Variants in MYH14 observed in about 807,000 individuals in gnomAD.
The protein encoded by MYH14 is myosin-14.
Under a neutral mutation model 255.5 loss-of-function variants are expected in MYH14, and 123 were observed. The observed-to-expected ratio is 0.48, with a 90% confidence interval of 0.42 to 0.56. The LOEUF (loss-of-function observed/expected upper bound fraction) is 0.56. Ranked by LOEUF, MYH14 falls within the 20% of genes least tolerant of loss-of-function variation. The pLI, the probability that MYH14 is intolerant of heterozygous loss-of-function variation, is 0.00. For synonymous variants in MYH14, 1,095 were observed against 1,161.2 expected, an observed-to-expected ratio of 0.94 and a Z score of 1.16; for missense variants, 2,423 against 2,802.3, an observed-to-expected ratio of 0.86 and a Z score of 3.06.
chr19:50,227,835 C>G (rs1349470336), intron 8 of MYH14, among the ~76,000 whole-genome samples: 1 of 152,176 alleles, frequency 6.6e-6, no homozygotes, highest in Non-Finnish European at 1.5e-5. Context: ...GGGTACGTGA[C>G]TTGGCCTTTC....
In MYH14 at chr19:50,261,496, C is replaced by A; in HGVS notation, c.2446C>A (p.Pro816Thr). 1 of 1,531,848 alleles carries A rather than the reference C, an allele frequency of 6.5e-7. No homozygotes were observed. Among genetic ancestry groups the A allele is most frequent in the Non-Finnish European group, 8.7e-7 (1 of 1,147,566 alleles). The allele number at this position is 1,531,848 out of a possible 1,614,324, so 94.9% of individuals were successfully genotyped here. ...EKMIQALELD[P>T]NLYRVGQSKI... Reference sequence around the variant, plus strand: ...ACAGATCCAGGCGCTGGAACTGGACCCCAACCTCTACCGCGTGGGACAGAG... The same window carrying A: ...ACAGATCCAGGCGCTGGAACTGGACACCAACCTCTACCGCGTGGGACAGAG... Residue 816 changes from proline (P) to threonine (T), a missense_variant, in exon 21 of 43, where the codon CCC (proline) becomes ACC (threonine). Physicochemically the swap from Pro to Thr is conservative, Grantham distance 38. This residue lies in a region of MYH14 where 1,513 missense variants were observed against 1,674.8 expected (regional missense o/e 0.90). Transcript: ENST00000642316.
intron 1 of MYH14, among the ~76,000 whole-genome samples, chr19:50,207,302 A>AGAGAGAGAGAGAGAGAGAGAGAGG (rs2031852064): frequency 6.7e-6 from 1 of 149,694 alleles, no homozygotes; most frequent in Non-Finnish European, 1.5e-5. Context: ...AGAGAGAGAG[A>AGAGAGAGAGAGAGAGAGAGAGAGG]GAGAGAGAGA....
At chr19:50,208,722 A>G (rs981115559) in intron 1 of MYH14, among the ~76,000 whole-genome samples, 6 of 152,224 alleles carry the variant, frequency 3.9e-5, no homozygotes, top group Non-Finnish European at 8.8e-5. Context: ...ATTTTATTTA[A>G]CCCAGTAGAT....
chr19:50,221,208 A>T lies in MYH14; in HGVS notation c.563-1875A>T, dbSNP rs766275243. 1.3e-5 allele frequency among the ~76,000 whole-genome samples: 2 copies of T among 151,968 alleles called. No homozygotes were observed. The highest frequency in any genetic ancestry group is 2.9e-5 in the Non-Finnish European group (2 of 68,000). Reference sequence around the variant, plus strand: ...TGCATTTTGAGCATTCTGAGTTCTGACTACAGCCCTGGGAGATGGCAGCTG... The same window carrying T: ...TGCATTTTGAGCATTCTGAGTTCTGTCTACAGCCCTGGGAGATGGCAGCTG... On this transcript the variant is annotated intron_variant, in intron 3 of 42. Transcript: ENST00000642316. This position sits in a 1 kb window ranked among gnomAD's most constrained non-coding sequence, Gnocchi z 5.3.
intron 1 of MYH14, 146 bp downstream of exon 1, chr19:50,203,817 G>A (rs1230568416): frequency 1.3e-5 from 2 of 152,078 alleles, no homozygotes; most frequent in African/African-American, 2.4e-5. Context: ...ACTCACCTTG[G>A]GCGCGCAGCG....
chr19:50,272,539 G>A (rs752224415), intron 26 of MYH14, 21 bp from the exon 27 acceptor site: 37 of 1,556,242 alleles, frequency 2.4e-5, no homozygotes, highest in South Asian at 2.0e-4. Context: ...CCTCATGCAC[G>A]GCCCCCACCC....
At position 50,272,738 on chromosome 19, in the gene MYH14, G is replaced by A. The variant is rs2035355989; in HGVS notation, c.3467+7G>A. ...TGCAGGCTGCCCTGGCCAGGTGCAG[G>A]GTGGGGTGGGCTTGGTGGGGTAAGC... On this transcript the variant is annotated splice_region_variant and intron_variant, in intron 27 of 42. Coordinates refer to ENST00000642316, the MANE Select transcript of MYH14 (RefSeq NM_001145809.2). The A allele has an allele frequency of 2.6e-6, 4 of 1,549,496 alleles. No homozygotes were observed. Among genetic ancestry groups the A allele is most frequent in the Non-Finnish European group, 3.5e-6 (4 of 1,146,962 alleles).
intron 1 of MYH14, chr19:50,205,621 C>G (rs929265337): frequency 1.3e-5 from 2 of 152,344 alleles, no homozygotes; most frequent in African/African-American, 2.4e-5. Flanking sequence ...GGAATGGGTA[C>G]GGGGCTCTCA....
chr19:50,289,874 GTC>G (rs2036014239), intron 35 of MYH14, among the ~76,000 whole-genome samples: 2 of 151,870 alleles, frequency 1.3e-5, no homozygotes, highest in African/African-American at 4.8e-5. Context: ...ATTTCTGCCA[GTC>G]TCTCGTGCCA....
At chr19:50,217,888 G>A (rs540156245) in intron 3 of MYH14, 117 bp downstream of exon 3, 399 of 1,264,124 alleles carry the variant, frequency 3.2e-4, no homozygotes, top group Admixed American at 4.5e-4. Flanking sequence ...GACTCTGTAG[G>A]GCTTCTTAGG....
chr19:50,257,191 T>A (rs1425132461), intron 17 of MYH14, 108 bp from the exon 18 acceptor site: 2 of 852,644 alleles, frequency 2.3e-6, no homozygotes, highest in Non-Finnish European at 3.5e-6. Context: ...AGGTCCTTCA[T>A]ATGTAAAGTG....
rs577038007 is a variant in MYH14 at position 50,278,254 on chromosome 19, C to T, written c.3997C>T (p.Arg1333Ter). The change falls in exon 30 of 43, where the codon CGA (arginine) becomes TGA (stop). Residue 1333 changes from arginine (R) to a stop codon, truncating the protein, a stop_gained. Transcript: ENST00000642316. LOFTEE classifies it high-confidence loss of function. The stretch of plus-strand genomic sequence containing the variant: ...CCGGGCTGGTGATGGGGAGAGGGCA[C>T]GAGCGGAGGCTGCTGAGAAGCTGCA... ...QGRAGDGERA[R>*]AEAAEKLQRA... The T allele has an allele frequency of 2.5e-6, 4 of 1,582,204 alleles. No individual in the cohort carries two copies. Among genetic ancestry groups the T allele is most frequent in the Non-Finnish European group, 3.4e-6 (4 of 1,164,846 alleles).
rs543799021 is a variant in MYH14, at chr19:50,272,567, A to G, written c.3303A>G (p.Leu1101=). Residue 1101 remains leucine, a synonymous_variant, in exon 27 of 43, where the codon CTA becomes CTG. Coordinates refer to ENST00000642316, the MANE Select transcript of MYH14 (RefSeq NM_001145809.2). The stretch of plus-strand genomic sequence containing the variant: ...CCCCACCCCTGCCTCCAGACCGCCT[A>G]CGGAAGGAGGAGAAGGGTCGCCAGG... ...EATIADMEDR[L]RKEEKGRQEL... 150 of 1,571,800 alleles carry G rather than the reference A, an allele frequency of 9.5e-5. 1 individual carries two copies. The South Asian group carries it at 1.3e-3, about 14-fold the overall frequency.
At chr19:50,257,169 A>C (rs1363989234) in intron 17 of MYH14, 130 bp from the exon 18 acceptor site, 4 of 685,812 alleles carry the variant, frequency 5.8e-6, no homozygotes, top group Non-Finnish European at 9.5e-6. Flanking sequence ...TATCTACCTT[A>C]CAGGCTGTGT....
At chr19:50,226,535 C>A (rs1011428770) in intron 7 of MYH14, among the ~76,000 whole-genome samples, 20 of 150,840 alleles carry the variant, frequency 1.3e-4, no homozygotes, top group African/African-American at 4.9e-4. Context: ...GGGCTGGGGG[C>A]CCAGATCCCT....
At position 50,276,976 on chromosome 19, in the gene MYH14, CGCTGGCTGGTTCTAG is replaced by C; in HGVS notation, c.3825+79_3825+93del. ...CAGGACGCGGGGTTGGAGGAGGTAC[CGCTGGCTGGTTCTAG>C]GCTAGCTCATCTCCCTGGGCCCCTT... On this transcript the variant is annotated intron_variant, in intron 29 of 42. Coordinates refer to ENST00000642316, the MANE Select transcript of MYH14 (RefSeq NM_001145809.2). The surrounding 1 kb of genome is among the most constrained non-coding windows in gnomAD (Gnocchi z 4.3). The C allele has an allele frequency of 8.3e-7, 1 of 1,211,396 alleles. No homozygotes were observed. Among genetic ancestry groups the C allele is most frequent in the Admixed American group, 2.2e-5 (1 of 45,550 alleles). 75.0% of individuals were successfully genotyped at this position (1,211,396 alleles called of 1,614,324 possible).
rs1489882791 is a variant in MYH14 at position 50,266,039 on chromosome 19, T to C, written c.2695-838T>C. Among the ~76,000 whole-genome samples, 1 of 151,986 alleles carries C rather than the reference T, an allele frequency of 6.6e-6. No homozygotes were observed. The highest frequency in any genetic ancestry group is 6.6e-5 in the Admixed American group (1 of 15,244). On this transcript the variant is annotated intron_variant, in intron 22 of 42. Coordinates refer to ENST00000642316, the MANE Select transcript of MYH14 (RefSeq NM_001145809.2). The surrounding 1 kb of genome is among the most constrained non-coding windows in gnomAD (Gnocchi z 4.1). The stretch of plus-strand genomic sequence containing the variant: ...GGAGTCGGGGCAGAAAAGGAGAGAA[T>C]AGAAGGGATACAGAATTGGGTGGAG...
At chr19:50,296,747 G>A (rs990610471) in intron 39 of MYH14, among the ~76,000 whole-genome samples, 3 of 152,252 alleles carry the variant, frequency 2.0e-5, no homozygotes, top group African/African-American at 4.8e-5. Context: ...GTATAGTTAT[G>A]TCAAGAGCAC....
In MYH14 at chr19:50,307,013, CCCTCTACTGAGACT is replaced by C. The variant is rs758880176; in HGVS notation, c.5679-31_5679-18del. 3 of 1,445,350 alleles carry C rather than the reference CCCTCTACTGAGACT, an allele frequency of 2.1e-6. No individual in the cohort carries two copies. The South Asian group carries it at 3.7e-5, about 18-fold the overall frequency. 89.5% of individuals were successfully genotyped at this position (1,445,350 alleles called of 1,614,324 possible). A position where few individuals can be genotyped will look rare whatever the true frequency, so the allele number is the denominator to read the frequency against. Reference sequence around the variant, plus strand: ...ATGGGGACAAAATCCTAGGTTGAGCCCCTCTACTGAGACTCCTCCTCATCCCTCTCTTCAGAGAG... The same window carrying C: ...ATGGGGACAAAATCCTAGGTTGAGCCCCTCCTCATCCCTCTCTTCAGAGAG... On this transcript the variant is annotated intron_variant, in intron 40 of 42. Transcript: ENST00000642316.
Sources: allele counts gnomAD v4.1 joint callset (sites outside exome capture counted in the v4.1 genomes callset), GRCh38; gene constraint gnomAD v4.1.1; regional missense constraint gnomAD v4.1.1; non-coding constraint Gnocchi (gnomAD v3.1); transcripts MANE v1.5; gene names NCBI Gene and HGNC (gene_info 2026-07-23, HGNC 2026-07-21).